PRR5: variants seen among roughly 807,000 people sequenced by gnomAD.
PRR5 encodes the protein proline rich 5.
Under a neutral mutation model 30.6 loss-of-function variants are expected in PRR5, and 25 were observed. The observed-to-expected ratio is 0.82, with a 90% CI of 0.60 to 1.14. The LOEUF (loss-of-function observed/expected upper bound fraction) is 1.14. Ranked by LOEUF, PRR5 falls within the 50% of genes most tolerant of loss-of-function variation. PRR5 has a pLI of 0.00. For missense variants in PRR5, 600 were observed against 547.1 expected, an observed-to-expected ratio of 1.10 and a Z score of -0.96; for synonymous variants, 286 against 247.1, an observed-to-expected ratio of 1.16 and a Z score of -1.48.
At chr22:44,697,954 C>A, upstream of PRR5, among the ~76,000 whole-genome samples, 1 of 152,186 alleles carries the variant, frequency 6.6e-6, no homozygotes, top group East Asian at 1.9e-4. Context: ...TGTCTCCTCC[C>A]TTTGGCTGGC....
At chr22:44,686,551 G>A (rs186093001) in intron 1 of PRR5, among the ~76,000 whole-genome samples, 63 of 151,988 alleles carry the variant, frequency 4.1e-4, no homozygotes, top group African/African-American at 2.9e-4. Flanking sequence ...TCGCTCTGTC[G>A]CCCAGGCTAG....
chr22:44,693,795 A>AGTTTTT (rs1925502729), intron 1 of PRR5, among the ~76,000 whole-genome samples: 1 of 79,644 alleles, frequency 1.3e-5, no homozygotes, highest in African/African-American at 5.4e-5. Flanking sequence ...ACACTCGGCT[A>AGTTTTT]TTTTTTTTTT....
At position 44,736,863 on chromosome 22, in the gene PRR5, C is replaced by G. The variant is rs780229778; in HGVS notation, c.783C>G (p.Asn261Lys). ...AGAGCTACAACACGCCTCTGCTGAA[C>G]CCCGTGCAGGAGCACGAGGCGGAGG... ...RSKSYNTPLL[N>K]PVQEHEAEGA... is the part of the protein sequence containing the mutation. Residue 261 changes from asparagine (N) to lysine (K), a missense_variant, in exon 8 of 8, where the codon AAC (asparagine) becomes AAG (lysine). Physicochemically the swap from Asn to Lys is moderately conservative, Grantham distance 94. Coordinates refer to ENST00000336985, the MANE Select transcript of PRR5 (RefSeq NM_181333.4). The G allele has an allele frequency of 1.3e-5, 21 of 1,609,168 alleles. No homozygotes were observed. Among genetic ancestry groups the G allele is most frequent in the Middle Eastern group, 1.7e-4 (1 of 5,974 alleles).
At chr22:44,719,986 C>G (rs1929685507) in intron 2 of PRR5, among the ~76,000 whole-genome samples, 2 of 152,220 alleles carry the variant, frequency 1.3e-5, no homozygotes, top group Admixed American at 6.5e-5. Flanking sequence ...CCCTCTGTGG[C>G]CTGCTAGCCC....
intron 1 of PRR5, among the ~76,000 whole-genome samples, chr22:44,688,213 G>A (rs571651697): frequency 2.0e-5 from 3 of 151,506 alleles, no homozygotes; most frequent in Non-Finnish European, 4.4e-5. Flanking sequence ...GTGAAACCCC[G>A]TCTCTACTAA....
intron 1 of PRR5, among the ~76,000 whole-genome samples, chr22:44,694,570 G>C (rs371720853): frequency 1.3e-5 from 2 of 152,216 alleles, no homozygotes; most frequent in African/African-American, 4.8e-5. Flanking sequence ...GGCAGACACA[G>C]GCATGGTCCT....
Position 44,736,927 on chromosome 22 carries a change from G to T in PRR5, c.847G>T (p.Val283Leu). 1 of 1,607,684 alleles carries T rather than the reference G, an allele frequency of 6.2e-7. No homozygotes were observed. The highest frequency in any genetic ancestry group is 8.5e-7 in the Non-Finnish European group (1 of 1,178,444). Residue 283 changes from valine to leucine, a missense_variant, in exon 8 of 8, where the codon GTG becomes TTG. Transcript: ENST00000336985. ...CGGTACCAGCATCCGCAGGCACTCT[G>T]TGTCGGAGATGACGTCCTGCCCCGA... ...AGGTSIRRHS[V>L]SEMTSCPEPQ...
intron 1 of PRR5, among the ~76,000 whole-genome samples, chr22:44,714,359 C>T (rs986818507): frequency 1.3e-5 from 2 of 152,248 alleles, no homozygotes; most frequent in Non-Finnish European, 2.9e-5. Context: ...GCAGAGGACA[C>T]GGGAGCAAGG....
chr22:44,693,872 G>A (rs907973364), intron 1 of PRR5, among the ~76,000 whole-genome samples: 16 of 141,404 alleles, frequency 1.1e-4, no homozygotes, highest in South Asian at 2.2e-4. Flanking sequence ...TCGATGATAC[G>A]CCCACCTCAG....
chr22:44,731,078 T>C (rs1921868394), intron 4 of PRR5: 1 of 296,058 alleles, frequency 3.4e-6, no homozygotes, highest in Non-Finnish European at 7.1e-6. Context: ...GTAGAAGAAA[T>C]CAACTGCTTA....
At position 44,694,983 on chromosome 22, in the gene PRR5, C is replaced by T. The variant is rs141070496; in HGVS notation, c.-10-7509C>T. Among the ~76,000 whole-genome samples, 416 of 152,134 alleles carry T rather than the reference C, an allele frequency of 2.7e-3. 1 individual carries two copies. The highest frequency in any genetic ancestry group is 4.4e-3 in the Non-Finnish European group (298 of 68,016). On this transcript the variant is annotated intron_variant, in intron 1 of 8. Transcript: ENST00000006251. ...GTCCGGAGTTCAAAACCAGCCTGGC[C>T]GACACGATGAAACCCCATCTCTACT...
At chr22:44,721,381 G>A (rs568484391) in intron 2 of PRR5, among the ~76,000 whole-genome samples, 2 of 152,214 alleles carry the variant, frequency 1.3e-5, no homozygotes, top group East Asian at 3.9e-4. Context: ...TGCAGAAAGC[G>A]ACCAATCAGA....
At chr22:44,676,257 G>A (rs1923750784), upstream of PRR5, among the ~76,000 whole-genome samples, 2 of 151,464 alleles carry the variant, frequency 1.3e-5, no homozygotes, top group Admixed American at 1.3e-4. Context: ...CGGGCATGGT[G>A]GCATGCACTT....
intron 3 of PRR5, among the ~76,000 whole-genome samples, chr22:44,726,375 A>G (rs538576267): frequency 6.6e-6 from 1 of 152,296 alleles, no homozygotes; most frequent in Admixed American, 6.5e-5. Context: ...CTGTCTCGTG[A>G]CAACCCGGGG....
chr22:44,688,614 C>A (rs1243401768), intron 1 of PRR5, among the ~76,000 whole-genome samples: 1 of 152,158 alleles, frequency 6.6e-6, no homozygotes, highest in Non-Finnish European at 1.5e-5. Context: ...GGCAGGGAGG[C>A]TGTCACTCCA....
At chr22:44,714,201 C>T (rs947704201) in intron 1 of PRR5, among the ~76,000 whole-genome samples, 49 of 151,892 alleles carry the variant, frequency 3.2e-4, no homozygotes, top group Non-Finnish European at 7.4e-5. Context: ...TCCGGGTGGC[C>T]GTGGAGGTAG....
At chr22:44,683,892 G>C (rs995097971) in intron 1 of PRR5, among the ~76,000 whole-genome samples, 1 of 152,264 alleles carries the variant, frequency 6.6e-6, no homozygotes, top group Non-Finnish European at 1.5e-5. Flanking sequence ...ATCCTTGATA[G>C]GGTTCATGGA....
chr22:44,702,471 C>A lies in PRR5; in HGVS notation c.-4C>A. 7.2e-7 allele frequency: 1 copy of A among 1,391,924 alleles called. No individual in the cohort carries two copies. The highest frequency in any genetic ancestry group is 9.4e-7 in the Non-Finnish European group (1 of 1,064,802). The allele number at this position is 1,391,924 out of a possible 1,614,324, so 86.2% of individuals were successfully genotyped here. A position where few individuals can be genotyped will look rare whatever the true frequency, so the allele number is the denominator to read the frequency against. On this transcript the variant is annotated 5_prime_UTR_variant, in exon 1 of 8. Transcript: ENST00000336985. ...TGGGCGCGGCGCAGGCGGCCCGGGTCACCATGAGGACTCTCCGCAGGTTGA... is the reference window on the plus strand; with the variant it reads ...TGGGCGCGGCGCAGGCGGCCCGGGTAACCATGAGGACTCTCCGCAGGTTGA...
upstream of PRR5, among the ~76,000 whole-genome samples, chr22:44,698,838 C>T (rs531942574): frequency 1.3e-5 from 2 of 152,350 alleles, no homozygotes; most frequent in East Asian, 3.9e-4. Flanking sequence ...GGGCTAGACT[C>T]CGCCCTTTGT....
Sources: allele counts gnomAD v4.1 joint callset (sites outside exome capture counted in the v4.1 genomes callset), GRCh38; gene constraint gnomAD v4.1.1; transcripts MANE v1.5; gene names NCBI Gene and HGNC (gene_info 2026-07-23, HGNC 2026-07-21).